LANCL3: variants seen among roughly 807,000 people sequenced by gnomAD.
LANCL3 encodes the protein LanC like family member 3, also known as lanC-like protein 3.
In LANCL3, 19 loss-of-function variants were observed where a neutral mutation model predicts 26.5. The observed-to-expected ratio is 0.72, with a 90% confidence interval of 0.50 to 1.05. The LOEUF (loss-of-function observed/expected upper bound fraction) is 1.05. Among genes scored for constraint, LANCL3 ranks in the 50% least tolerant of loss-of-function variants. The probability of loss-of-function intolerance (pLI) is 0.00; values close to 1 mark genes in which losing one functional copy is unlikely to be tolerated. For synonymous variants in LANCL3, 160 were observed against 166.6 expected, an observed-to-expected ratio of 0.96 and a Z score of 0.30; for missense variants, 318 against 362.7, an observed-to-expected ratio of 0.88 and a Z score of 1.00.
intron 3 of LANCL3, among the ~76,000 whole-genome samples, chrX:37,662,407 A>T (rs921044318): frequency 8.9e-6 from 1 of 112,120 alleles, no homozygotes; most frequent in Non-Finnish European, 1.9e-5. Flanking sequence ...GTATTTTTTT[A>T]AAAAAACTCA....
At chrX:37,640,052 C>T (rs782172769) in intron 1 of LANCL3, among the ~76,000 whole-genome samples, 1 of 111,827 alleles carries the variant, frequency 8.9e-6, no homozygotes, top group Non-Finnish European at 1.9e-5. Flanking sequence ...AACATGCCCT[C>T]ATTAAAATAA....
In LANCL3 at chrX:37,655,775, C is replaced by T; in HGVS notation, c.661C>T (p.Pro221Ser). ...QYAIKKRKPF[P>S]LMYSYYGTEY... ...TGCCATAAAGAAGAGGAAACCATTC[C>T]CCCTGATGTATTCTTACTATGGAAC... Residue 221 changes from proline (P) to serine (S), a missense_variant, in exon 2 of 5, where the codon CCC becomes TCC. Coordinates refer to ENST00000378619, the MANE Select transcript of LANCL3 (RefSeq NM_001170331.2). 10 of 1,205,372 alleles carry T rather than the reference C, an allele frequency of 8.3e-6. No homozygotes were observed. The highest frequency in any genetic ancestry group is 1.0e-5 in the Non-Finnish European group (9 of 890,792).
Position 37,683,677 on chromosome X carries a change from ATTAGGTCTAAAT to A in LANCL3, c.*7869_*7880del, listed in dbSNP as rs1389509799. The A allele has an allele frequency of 3.6e-5, 4 of 111,778 alleles. No homozygotes were observed. The highest frequency in any genetic ancestry group is 7.5e-5 in the Non-Finnish European group (4 of 53,101). 9.2% of individuals were successfully genotyped at this position (111,778 alleles called of 1,213,427 possible). A position where few individuals can be genotyped will look rare whatever the true frequency, so the allele number is the denominator to read the frequency against. ...GGCTCTTTCAAAGACATCTGCAGCA[ATTAGGTCTAAAT>A]TTAGAGTAGAATATTTTGCCAGATA... is the stretch of plus-strand genomic sequence containing the variant. On this transcript the variant is annotated 3_prime_UTR_variant, in exon 5 of 5. Coordinates refer to ENST00000378619, the MANE Select transcript of LANCL3 (RefSeq NM_001170331.2).
At chrX:37,640,712 G>A (rs1040789419) in intron 1 of LANCL3, among the ~76,000 whole-genome samples, 2 of 111,428 alleles carry the variant, frequency 1.8e-5, no homozygotes, top group East Asian at 2.8e-4. Flanking sequence ...CCATTCCAGG[G>A]CCAGTAGGCT....
chrX:37,611,253 A>G (rs782660320), intron 1 of LANCL3, among the ~76,000 whole-genome samples: 21 of 111,893 alleles, frequency 1.9e-4, no homozygotes, highest in Non-Finnish European at 3.8e-4. Context: ...TATCTTTCAT[A>G]TGATGCTTCT....
At chrX:37,626,488 T>G (rs1295716855) in intron 1 of LANCL3, among the ~76,000 whole-genome samples, 1 of 112,239 alleles carries the variant, frequency 8.9e-6, no homozygotes, top group Non-Finnish European at 1.9e-5. Flanking sequence ...CTGAAATCAT[T>G]ATTTCAAGGT....
In LANCL3 at chrX:37,679,018, C is replaced by T. The variant is rs1429462911; in HGVS notation, c.*3205C>T. On this transcript the variant is annotated 3_prime_UTR_variant, in exon 5 of 5. Coordinates refer to ENST00000378619, the MANE Select transcript of LANCL3 (RefSeq NM_001170331.2). ...ATGAACACACAATTAAAAGGAAAAC[C>T]ATTAGTGGTGCAAAGAGCCCTGTGC... 2 of 111,329 alleles carry T rather than the reference C, an allele frequency of 1.8e-5. No homozygotes were observed. The highest frequency in any genetic ancestry group is 3.8e-5 in the Non-Finnish European group (2 of 52,971). The allele number at this position is 111,329 out of a possible 1,213,427, so 9.2% of individuals were successfully genotyped here.
chrX:37,606,534 T>G (rs1924720230), intron 1 of LANCL3, among the ~76,000 whole-genome samples: 1 of 112,149 alleles, frequency 8.9e-6, no homozygotes, highest in Admixed American at 9.4e-5. Context: ...AATCTTTTGT[T>G]TTGTTCCATG....
Position 37,680,597 on chromosome X carries a change from C to T in LANCL3, c.*4784C>T, listed in dbSNP as rs1302815074. 1 of 111,582 alleles carries T rather than the reference C, an allele frequency of 9.0e-6. No individual in the cohort carries two copies. The highest frequency in any genetic ancestry group is 1.9e-5 in the Non-Finnish European group (1 of 53,139). The allele number at this position is 111,582 out of a possible 1,213,427, so 9.2% of individuals were successfully genotyped here. A position where few individuals can be genotyped will look rare whatever the true frequency, so the allele number is the denominator to read the frequency against. On this transcript the variant is annotated 3_prime_UTR_variant, in exon 5 of 5. Transcript: ENST00000378619. ...AAATTAATTAAAATAACCGAATCAC[C>T]CATGTTTTTGTTCTTGCAGGGTTTG...
At chrX:37,587,451 G>A (rs1354154762) in intron 1 of LANCL3, among the ~76,000 whole-genome samples, 1 of 112,747 alleles carries the variant, frequency 8.9e-6, no homozygotes, top group Non-Finnish European at 1.9e-5. Context: ...CACCCAGTTT[G>A]AGCTTCCTGG....
At chrX:37,601,567 G>T (rs934672739) in intron 1 of LANCL3, among the ~76,000 whole-genome samples, 1 of 112,013 alleles carries the variant, frequency 8.9e-6, no homozygotes, top group African/African-American at 3.2e-5. Context: ...CTTAAAATAG[G>T]GTTATTTTTC....
At chrX:37,612,575 C>T (rs550906912) in intron 1 of LANCL3, among the ~76,000 whole-genome samples, 4 of 112,380 alleles carry the variant, frequency 3.6e-5, no homozygotes, top group African/African-American at 9.7e-5. Flanking sequence ...TAACTGTAAA[C>T]GATATATCAC....
At chrX:37,662,823 T>G (rs1381163337) in intron 3 of LANCL3, among the ~76,000 whole-genome samples, 1 of 110,116 alleles carries the variant, frequency 9.1e-6, no homozygotes, top group African/African-American at 3.3e-5. Context: ...TCCTTTTTTT[T>G]TTTTTTTAAT....
At chrX:37,669,291 G>A (rs1478123480) in intron 4 of LANCL3, among the ~76,000 whole-genome samples, 1 of 111,361 alleles carries the variant, frequency 9.0e-6, no homozygotes, top group Non-Finnish European at 1.9e-5. Context: ...CAACTCGTGG[G>A]CACAGCTCAG....
At chrX:37,582,264 G>A (rs1923919737) in intron 1 of LANCL3, among the ~76,000 whole-genome samples, 2 of 111,930 alleles carry the variant, frequency 1.8e-5, no homozygotes, top group Admixed American at 1.9e-4. Flanking sequence ...TGTCTTTATA[G>A]TAGCATGACT....
At chrX:37,631,722 TCAGGA>T (rs1925518373) in intron 1 of LANCL3, among the ~76,000 whole-genome samples, 1 of 111,762 alleles carries the variant, frequency 8.9e-6, no homozygotes, top group Non-Finnish European at 1.9e-5. Flanking sequence ...CAGTAGTCAT[TCAGGA>T]GCAGGTTGTT....
intron 1 of LANCL3, among the ~76,000 whole-genome samples, chrX:37,586,061 A>T (rs1159110394): frequency 9.0e-6 from 1 of 110,834 alleles, no homozygotes; most frequent in Non-Finnish European, 1.9e-5. Flanking sequence ...TATGAAGCTT[A>T]GTTTGGCTGG....
intron 3 of LANCL3, among the ~76,000 whole-genome samples, chrX:37,665,392 G>C (rs1244446051): frequency 1.8e-5 from 2 of 111,461 alleles, no homozygotes; most frequent in East Asian, 2.8e-4. Flanking sequence ...TGCCCTCCCT[G>C]CTTCATCTTG....
At chrX:37,652,273 G>A (rs1926168002) in intron 1 of LANCL3, among the ~76,000 whole-genome samples, 1 of 110,972 alleles carries the variant, frequency 9.0e-6, no homozygotes, top group African/African-American at 3.3e-5. Context: ...GCATTCTGTG[G>A]TTTGGTCCTT....
Sources: gnomAD v4.1 joint callset for allele counts (sites outside exome capture counted in the v4.1 genomes callset) on GRCh38, gnomAD v4.1.1 for gene constraint, MANE v1.5 for transcripts, NCBI Gene and HGNC (gene_info 2026-07-23, HGNC 2026-07-21) for gene names.